LRRC37A3: variants seen among roughly 807,000 people sequenced by gnomAD.
LRRC37A3 encodes the protein leucine-rich repeat-containing protein 37A3.
Under a neutral mutation model 106.2 loss-of-function variants are expected in LRRC37A3, and 25 were observed. The ratio of observed to expected loss-of-function variants is 0.24; its 90% confidence interval spans 0.17 to 0.33. The LOEUF is 0.33. LRRC37A3 is among the 10% of genes least tolerant of loss of function. The pLI, the probability that LRRC37A3 is intolerant of heterozygous loss-of-function variation, is 1.00. For missense variants in LRRC37A3, 712 were observed against 1,644.9 expected (o/e 0.43, Z 9.81); for synonymous variants, 305 against 635.8 (o/e 0.48, Z 7.83).
chr17:64,891,290 CTAAAT>C (rs1281737717), intron 5 of LRRC37A3, among the ~76,000 whole-genome samples: 2 of 131,552 alleles, frequency 1.5e-5, no homozygotes, highest in Admixed American at 1.5e-4. Flanking sequence ...TATAAAGATA[CTAAAT>C]TAAATTCATG....
At chr17:64,873,306 A>T (rs1973383217) in intron 8 of LRRC37A3, among the ~76,000 whole-genome samples, 2 of 150,252 alleles carry the variant, frequency 1.3e-5, no homozygotes, top group African/African-American at 4.9e-5. Context: ...GAAGGACCAG[A>T]TGTTAGACTT....
At chr17:64,877,338 A>G (rs1973547215) in intron 8 of LRRC37A3, among the ~76,000 whole-genome samples, 1 of 152,116 alleles carries the variant, frequency 6.6e-6, no homozygotes, top group African/African-American at 2.4e-5. Context: ...AGTAGCTGGG[A>G]TTATAGGCGC....
chr17:64,917,596 T>G (rs2143642889), intron 2 of LRRC37A3, among the ~76,000 whole-genome samples: 1 of 152,118 alleles, frequency 6.6e-6, no homozygotes, highest in East Asian at 1.9e-4. Context: ...AAGAAACTAC[T>G]GATACAACAA....
chr17:64,879,887 A>G (rs1017296911), intron 8 of LRRC37A3, among the ~76,000 whole-genome samples: 1 of 152,164 alleles, frequency 6.6e-6, no homozygotes, highest in African/African-American at 2.4e-5. Context: ...TAACAAAGTG[A>G]GACCCTGTTT....
chr17:64,912,360 C>T (rs1974609038), intron 2 of LRRC37A3, among the ~76,000 whole-genome samples: 1 of 151,510 alleles, frequency 6.6e-6, no homozygotes, highest in Non-Finnish European at 1.5e-5. Flanking sequence ...TACACACACA[C>T]ATATATACAA....
rs1435408480 is a variant in LRRC37A3 at position 64,860,894 on chromosome 17, C to A, written c.3252G>T (p.Glu1084Asp). The change falls in exon 12 of 15, where the codon GAG becomes GAT. Residue 1084 changes from glutamate to aspartate, a missense_variant. Coordinates refer to ENST00000584306, the MANE Select transcript of LRRC37A3 (RefSeq NM_199340.5). ...LQARKNYTST[E>D]LIIEPEEPSD... ...AGGGCTCCTCCGGCTCAATAATCAGCTCAGTGCTTGTGTAATTCTTCCGGG... is the reference window on the plus strand; with the variant it reads ...AGGGCTCCTCCGGCTCAATAATCAGATCAGTGCTTGTGTAATTCTTCCGGG... 1.2e-6 allele frequency: 2 copies of A among 1,614,050 alleles called. No homozygotes were observed. The highest frequency in any genetic ancestry group is 1.7e-6 in the Non-Finnish European group (2 of 1,180,028).
intron 11 of LRRC37A3, among the ~76,000 whole-genome samples, chr17:64,861,584 A>G (rs1972873267): frequency 6.6e-6 from 1 of 152,214 alleles, no homozygotes; most frequent in South Asian, 2.1e-4. Context: ...CATGGAAAAA[A>G]GCACTGTGTC....
At position 64,860,805 on chromosome 17, in the gene LRRC37A3, C is replaced by T; in HGVS notation, c.3341G>A (p.Ser1114Asn). The T allele has an allele frequency of 6.2e-7, 1 of 1,614,180 alleles. No individual in the cohort carries two copies. The highest frequency in any genetic ancestry group is 8.5e-7 in the Non-Finnish European group (1 of 1,180,028). Reference protein sequence around the residue: ...GSEQLDTNDESDVTSTLSYIL... With the variant: ...GSEQLDTNDENDVTSTLSYIL... ...GTAACTTAGTGTACTGGTAACATCA[C>T]TCTCGTCATTGGTGTCTAGCTGCTC... The change falls in exon 12 of 15, where the codon AGT becomes AAT. Residue 1114 changes from serine to asparagine, a missense_variant. By Grantham distance (46) the Ser-to-Asn change is conservative. Transcript: ENST00000584306.
intron 8 of LRRC37A3, among the ~76,000 whole-genome samples, chr17:64,872,641 TG>T (rs958023654): frequency 1.3e-5 from 2 of 152,134 alleles, no homozygotes; most frequent in Admixed American, 6.5e-5. Context: ...AATAACAGTT[TG>T]GGGGAAAAAA....
intron 2 of LRRC37A3, chr17:64,909,990 TA>T (rs1244293485): frequency 6.6e-6 from 1 of 152,104 alleles, no homozygotes; most frequent in Admixed American, 6.5e-5. Context: ...ACCTGGCAGT[TA>T]CTGAGGCAAA....
At chr17:64,878,340 T>A (rs1323868100) in intron 8 of LRRC37A3, among the ~76,000 whole-genome samples, 1 of 152,106 alleles carries the variant, frequency 6.6e-6, no homozygotes. Flanking sequence ...ATACATTAGA[T>A]TTTATCAAAA....
Position 64,860,126 on chromosome 17 carries a change from G to A in LRRC37A3, c.4020C>T (p.Asn1340=), listed in dbSNP as rs138287247. 92 of 1,613,862 alleles carry A rather than the reference G, an allele frequency of 5.7e-5. No homozygotes were observed. The highest frequency in any genetic ancestry group is 1.1e-4 in the East Asian group (5 of 44,906). The change falls in exon 12 of 15, where the codon AAC becomes AAT. Residue 1340 remains asparagine (N), a synonymous_variant. Coordinates refer to ENST00000584306, the MANE Select transcript of LRRC37A3 (RefSeq NM_199340.5). ...KSYLSRLMLS[N]RLPFSAAKSL... ...TCTTCGCTGCAGAGAACGGAAGCCT[G>A]TTTGAGAGCATCAGTCTACTCAGAT...
intron 6 of LRRC37A3, among the ~76,000 whole-genome samples, chr17:64,888,470 C>G (rs1272271731): frequency 6.7e-6 from 1 of 148,706 alleles, no homozygotes; most frequent in Admixed American, 6.7e-5. Context: ...TCTGCATTGC[C>G]CACCATGTTT....
chr17:64,910,998 T>A (rs1974577596), intron 2 of LRRC37A3, among the ~76,000 whole-genome samples: 2 of 152,106 alleles, frequency 1.3e-5, no homozygotes, highest in African/African-American at 4.8e-5. Flanking sequence ...ATGCATTATT[T>A]CATTTTATCC....
chr17:64,854,708 C>T, intron 14 of LRRC37A3, 64 bp from the exon 15 acceptor site: 1 of 1,612,150 alleles, frequency 6.2e-7, no homozygotes, highest in Non-Finnish European at 8.5e-7. Context: ...CTTCTCACCC[C>T]CTCCTCATTT....
At chr17:64,867,450 C>T (rs1288931874) in intron 10 of LRRC37A3, among the ~76,000 whole-genome samples, 2 of 152,178 alleles carry the variant, frequency 1.3e-5, no homozygotes, top group Admixed American at 1.3e-4. Flanking sequence ...CCCGCAGTGT[C>T]TGCAGGGGAT....
intron 10 of LRRC37A3, among the ~76,000 whole-genome samples, chr17:64,866,629 T>TATATATATGTATA (rs71236448): frequency 1.9e-3 from 24 of 12,856 alleles, no homozygotes; most frequent in Non-Finnish European, 2.4e-3. Flanking sequence ...TATATATATA[T>TATATATATGTATA]TTTTTTTTTT....
At position 64,854,405 on chromosome 17, in the gene LRRC37A3, C is replaced by T; in HGVS notation, c.*194G>A. ...ATGTTATTTAATTGTAAAATCTCCA[C>T]CCCCTGAGCATATGTTTTCAGGTCT... On this transcript the variant is annotated 3_prime_UTR_variant, in exon 15 of 15. Coordinates refer to ENST00000584306, the MANE Select transcript of LRRC37A3 (RefSeq NM_199340.5). 1.2e-6 allele frequency: 1 copy of T among 802,442 alleles called. No individual in the cohort carries two copies. Among genetic ancestry groups the T allele is most frequent in the Non-Finnish European group, 2.0e-6 (1 of 502,266 alleles). The allele number at this position is 802,442 out of a possible 1,614,324, so 49.7% of individuals were successfully genotyped here. A position where few individuals can be genotyped will look rare whatever the true frequency, so the allele number is the denominator to read the frequency against.
Position 64,860,552 on chromosome 17 carries a change from C to G in LRRC37A3, c.3594G>C (p.Glu1198Asp). The change falls in exon 12 of 15, where the codon GAG becomes GAC. Residue 1198 changes from glutamate (E) to aspartate (D), a missense_variant. Transcript: ENST00000584306. ...CGAGCCTTTTTTCTTCGGCAGTGTT[C>G]TCCACAGATGCCTGGGCACCCTGTT... Reference protein sequence around the residue: ...RREQGAQASVENTAEEKRLGS... With the variant: ...RREQGAQASVDNTAEEKRLGS... 1 of 1,613,116 alleles carries G rather than the reference C, an allele frequency of 6.2e-7. No homozygotes were observed. The highest frequency in any genetic ancestry group is 8.5e-7 in the Non-Finnish European group (1 of 1,179,858).
Sources: allele counts gnomAD v4.1 joint callset (sites outside exome capture counted in the v4.1 genomes callset), GRCh38; gene constraint gnomAD v4.1.1; transcripts MANE v1.5; gene names NCBI Gene and HGNC (gene_info 2026-07-23, HGNC 2026-07-21).